The following TCERG1L variants were observed in gnomAD, a reference collection of about 807,000 sequenced individuals.
The protein encoded by TCERG1L is transcription elongation regulator 1-like protein.
In TCERG1L, 37 loss-of-function variants were observed where a neutral mutation model predicts 56.3. The ratio of observed to expected loss-of-function variants is 0.66; its 90% CI spans 0.51 to 0.87. The LOEUF is 0.87. TCERG1L is among the 40% of genes least tolerant of loss of function. TCERG1L has a pLI of 0.00. For missense variants in TCERG1L, 799 were observed against 774.2 expected (o/e 1.03, Z -0.38); for synonymous variants, 324 against 326.3 (o/e 0.99, Z 0.08).
At chr10:131,294,473 C>A (rs1007290945) in intron 3 of TCERG1L, among the ~76,000 whole-genome samples, 2 of 152,206 alleles carry the variant, frequency 1.3e-5, no homozygotes, top group African/African-American at 4.8e-5. Flanking sequence ...CCCAAAGCAA[C>A]CTGGAAATGT....
At chr10:131,107,513 G>T (rs936537125) in intron 9 of TCERG1L, among the ~76,000 whole-genome samples, 2 of 152,124 alleles carry the variant, frequency 1.3e-5, no homozygotes, top group African/African-American at 4.8e-5. Flanking sequence ...CGGGATGGAG[G>T]TGGGGGCTGA....
intron 3 of TCERG1L, among the ~76,000 whole-genome samples, chr10:131,285,181 C>T (rs555705256): frequency 3.3e-5 from 5 of 151,992 alleles, no homozygotes; most frequent in Non-Finnish European, 7.4e-5. Flanking sequence ...AGTTCCAGAC[C>T]AGCCTGGCCA....
At chr10:131,255,562 G>A (rs1272468812) in intron 4 of TCERG1L, among the ~76,000 whole-genome samples, 1 of 152,234 alleles carries the variant, frequency 6.6e-6, no homozygotes, top group Non-Finnish European at 1.5e-5. Flanking sequence ...GGTGTCTATT[G>A]TATTAGTATT....
chr10:131,256,572 A>C (rs1440801613), intron 4 of TCERG1L, among the ~76,000 whole-genome samples: 1 of 152,134 alleles, frequency 6.6e-6, no homozygotes, highest in Non-Finnish European at 1.5e-5. Context: ...TTTAAAAATA[A>C]ATGCTGTCTT....
intron 4 of TCERG1L, among the ~76,000 whole-genome samples, chr10:131,243,152 T>C (rs1046103758): frequency 6.6e-6 from 1 of 152,116 alleles, no homozygotes; most frequent in East Asian, 1.9e-4. Context: ...TGCACGATAA[T>C]AACAATCGCC....
chr10:131,139,915 C>G (rs1005515790), intron 7 of TCERG1L, among the ~76,000 whole-genome samples: 17 of 152,066 alleles, frequency 1.1e-4, no homozygotes, highest in African/African-American at 4.1e-4. Context: ...TCACTGAGTT[C>G]AGGGAATGTG....
intron 4 of TCERG1L, among the ~76,000 whole-genome samples, chr10:131,192,183 A>T (rs1845312255): frequency 7.0e-6 from 1 of 143,662 alleles, no homozygotes; most frequent in African/African-American, 2.6e-5. Flanking sequence ...ACCAAGGAAA[A>T]AACAAAAAAT....
chr10:131,245,657 G>A lies in TCERG1L; in HGVS notation c.856+14602C>T, dbSNP rs369511290. The stretch of plus-strand genomic sequence containing the variant: ...TGGCTCTCTGGTAACCTTCAGTGGC[G>A]ACAGCCCAGAACAGGCAGGGACCTT... On this transcript the variant is annotated intron_variant, in intron 4 of 11. Coordinates refer to ENST00000368642, the MANE Select transcript of TCERG1L (RefSeq NM_174937.4). Among the ~76,000 whole-genome samples the A allele has an allele frequency of 2.8e-4, 42 of 152,340 alleles. 1 individual carries two copies. The East Asian group carries it at 6.0e-3, about 22-fold the overall frequency.
intron 3 of TCERG1L, among the ~76,000 whole-genome samples, chr10:131,275,434 C>T (rs555789501): frequency 2.1e-3 from 313 of 152,208 alleles, no homozygotes; most frequent in Non-Finnish European, 2.9e-3. Context: ...GATACTAATG[C>T]GTTGTTATTA....
At chr10:131,104,722 G>A (rs974634419) in intron 9 of TCERG1L, among the ~76,000 whole-genome samples, 6 of 152,298 alleles carry the variant, frequency 3.9e-5, no homozygotes, top group Admixed American at 3.9e-4. Context: ...ATAACAAAGA[G>A]TAATGTCTTG....
intron 3 of TCERG1L, among the ~76,000 whole-genome samples, chr10:131,291,690 T>A (rs1019606903): frequency 1.3e-5 from 2 of 151,818 alleles, no homozygotes; most frequent in Non-Finnish European, 2.9e-5. Context: ...CCTCCCAAAG[T>A]GCTAGGATTA....
At chr10:131,275,516 T>C (rs1018709345) in intron 3 of TCERG1L, among the ~76,000 whole-genome samples, 8 of 152,150 alleles carry the variant, frequency 5.3e-5, no homozygotes, top group Non-Finnish European at 1.0e-4. Context: ...TTAATGACAC[T>C]ACCCAGGAGA....
intron 4 of TCERG1L, among the ~76,000 whole-genome samples, chr10:131,227,954 C>T (rs940256867): frequency 2.0e-5 from 3 of 152,108 alleles, no homozygotes; most frequent in Non-Finnish European, 4.4e-5. Flanking sequence ...AGTGCATTTC[C>T]GTCTTTGCCC....
chr10:131,099,602 T>C (rs1178273535), intron 10 of TCERG1L, among the ~76,000 whole-genome samples: 1 of 152,030 alleles, frequency 6.6e-6, no homozygotes, highest in Admixed American at 6.5e-5. Context: ...GCCAAATGAG[T>C]GGGGATGAGA....
intron 4 of TCERG1L, among the ~76,000 whole-genome samples, chr10:131,195,384 C>A (rs1333533136): frequency 1.3e-5 from 2 of 152,194 alleles, no homozygotes; most frequent in Non-Finnish European, 2.9e-5. Flanking sequence ...AGGCTCGGGG[C>A]CCTGCAAAAC....
intron 4 of TCERG1L, among the ~76,000 whole-genome samples, chr10:131,259,142 C>T (rs1846206853): frequency 6.6e-6 from 1 of 152,156 alleles, no homozygotes; most frequent in Admixed American, 6.5e-5. Flanking sequence ...GCCGAAGGTC[C>T]ATTGTTGAAA....
chr10:131,214,653 T>C (rs1320180555), intron 4 of TCERG1L, among the ~76,000 whole-genome samples: 1 of 152,174 alleles, frequency 6.6e-6, no homozygotes, highest in East Asian at 1.9e-4. Context: ...GTTCCACTCA[T>C]ACAGGGATTT....
At chr10:131,222,693 T>A (rs1367713861) in intron 4 of TCERG1L, among the ~76,000 whole-genome samples, 3 of 152,292 alleles carry the variant, frequency 2.0e-5, no homozygotes, top group South Asian at 4.1e-4. Flanking sequence ...CAGGAAAGAC[T>A]ATGTCTAAGC....
chr10:131,273,396 C>T (rs77340345), intron 3 of TCERG1L, among the ~76,000 whole-genome samples: 3,086 of 152,302 alleles, frequency 0.02, 77 homozygotes, highest in East Asian at 0.079. Context: ...CGCCTGCCTC[C>T]TGGAGAGTCC....
Sources: gnomAD v4.1 joint callset for allele counts (sites outside exome capture counted in the v4.1 genomes callset) on GRCh38, gnomAD v4.1.1 for gene constraint, MANE v1.5 for transcripts, NCBI Gene and HGNC (gene_info 2026-07-23, HGNC 2026-07-21) for gene names.